The following KCNMB2 variants were observed in gnomAD, a reference collection of about 807,000 sequenced individuals.
KCNMB2 encodes the protein calcium-activated potassium channel subunit beta-2.
KCNMB2 carries 9 observed loss-of-function variants against 24.5 expected under a neutral mutation model. The observed-to-expected ratio is 0.37, with a 90% CI of 0.22 to 0.64. The LOEUF (loss-of-function observed/expected upper bound fraction) is 0.64. KCNMB2 is among the 30% of genes least tolerant of loss of function. The pLI, the probability that KCNMB2 is intolerant of heterozygous loss-of-function variation, is 0.63. For missense variants in KCNMB2, 226 were observed against 284.3 expected, an observed-to-expected ratio of 0.79 and a Z score of 1.47; for synonymous variants, 109 against 104.4, an observed-to-expected ratio of 1.04 and a Z score of -0.27.
At chr3:178,642,728 T>C (rs1477281837) in intron 1 of KCNMB2, among the ~76,000 whole-genome samples, 1 of 152,206 alleles carries the variant, frequency 6.6e-6, no homozygotes. Context: ...AAACTGAAGT[T>C]TTCAACTATA....
chr3:178,641,740 T>C (rs1173417807), intron 1 of KCNMB2, among the ~76,000 whole-genome samples: 2 of 152,156 alleles, frequency 1.3e-5, no homozygotes, highest in Admixed American at 1.3e-4. Flanking sequence ...TTTTTCCTTG[T>C]TCCCTAGAGG....
chr3:178,609,429 G>A (rs1718398196), intron 1 of KCNMB2, among the ~76,000 whole-genome samples: 2 of 144,604 alleles, frequency 1.4e-5, no homozygotes, highest in Non-Finnish European at 3.0e-5. Flanking sequence ...TCTGTCAGTT[G>A]TCTCTTCACT....
At chr3:178,762,604 T>A (rs1334207221) in intron 1 of KCNMB2, among the ~76,000 whole-genome samples, 3 of 151,752 alleles carry the variant, frequency 2.0e-5, no homozygotes, top group Non-Finnish European at 4.4e-5. Context: ...AAGAAAAAAA[T>A]AATACCAGTA....
intron 1 of KCNMB2, among the ~76,000 whole-genome samples, chr3:178,594,723 C>A (rs936410827): frequency 5.9e-5 from 9 of 151,922 alleles, no homozygotes; most frequent in Middle Eastern, 3.4e-3. Context: ...CAGAAGTTGT[C>A]AACACATAAG....
At chr3:178,760,444 TTA>T (rs1210710601) in intron 1 of KCNMB2, among the ~76,000 whole-genome samples, 4 of 141,696 alleles carry the variant, frequency 2.8e-5, no homozygotes, top group African/African-American at 1.0e-4. Context: ...GATATATATA[TTA>T]TATATATATC....
chr3:178,759,678 A>C (rs1418415028), intron 1 of KCNMB2, among the ~76,000 whole-genome samples: 8,156 of 111,494 alleles, frequency 0.073, 1,281 homozygotes, highest in Non-Finnish European at 0.11. Flanking sequence ...ATATATATAT[A>C]TCCAAGAGGA....
At chr3:178,672,385 G>T (rs1720930240) in intron 1 of KCNMB2, among the ~76,000 whole-genome samples, 1 of 152,118 alleles carries the variant, frequency 6.6e-6, no homozygotes, top group South Asian at 2.1e-4. Flanking sequence ...TACAACCTAG[G>T]TCTTTCAGAC....
rs529946142 is a variant in KCNMB2 at position 178,759,522 on chromosome 3, G to GAT, written c.-67-47813_-67-47812dup. Among the ~76,000 whole-genome samples, 87 of 105,454 alleles carry GAT rather than the reference G, an allele frequency of 8.3e-4. 6 individuals carry two copies. Among genetic ancestry groups the GAT allele is most frequent in the African/African-American group, 3.3e-3 (84 of 25,548 alleles). The allele number at this position is 105,454 out of a possible 152,430, so 69.2% of individuals were successfully genotyped here. ...GGATATATATATATCTCTCCAAGAG[G>GAT]ATATATATACATATATCTCTCTCCA... On this transcript the variant is annotated intron_variant, in intron 1 of 4. Coordinates refer to ENST00000452583, the MANE Select transcript of KCNMB2 (RefSeq NM_181361.3).
intron 1 of KCNMB2, among the ~76,000 whole-genome samples, chr3:178,674,318 C>G (rs1353844161): frequency 9.2e-5 from 14 of 152,116 alleles, no homozygotes; most frequent in Non-Finnish European, 1.2e-4. Context: ...CTCAGCATCT[C>G]CACTTAGATG....
intron 1 of KCNMB2, among the ~76,000 whole-genome samples, chr3:178,587,409 A>T (rs1000547344): frequency 1.3e-5 from 2 of 151,992 alleles, no homozygotes; most frequent in East Asian, 1.9e-4. Flanking sequence ...AACTCAGGAG[A>T]TTATCTTTTC....
At chr3:178,814,439 T>C (rs1714325063) in intron 2 of KCNMB2, among the ~76,000 whole-genome samples, 1 of 152,248 alleles carries the variant, frequency 6.6e-6, no homozygotes, top group Non-Finnish European at 1.5e-5. Flanking sequence ...TGAGTGCAGA[T>C]ATTCTTTGAT....
At chr3:178,673,418 C>G (rs1300681021) in intron 1 of KCNMB2, among the ~76,000 whole-genome samples, 1 of 152,088 alleles carries the variant, frequency 6.6e-6, no homozygotes, top group African/African-American at 2.4e-5. Flanking sequence ...CATATCTTCA[C>G]TCTCAGCTAA....
chr3:178,669,543 G>A (rs1408256343), intron 1 of KCNMB2, among the ~76,000 whole-genome samples: 3 of 152,100 alleles, frequency 2.0e-5, no homozygotes, highest in Non-Finnish European at 4.4e-5. Context: ...AGTGTTGCTT[G>A]AAGCCTCACC....
At chr3:178,779,655 A>G (rs1434521687) in intron 1 of KCNMB2, among the ~76,000 whole-genome samples, 1 of 152,174 alleles carries the variant, frequency 6.6e-6, no homozygotes, top group Non-Finnish European at 1.5e-5. Context: ...ATTTTATAAC[A>G]TGTTCCTCTG....
chr3:178,811,143 G>A (rs1468975727), intron 2 of KCNMB2, among the ~76,000 whole-genome samples: 1 of 151,960 alleles, frequency 6.6e-6, no homozygotes, highest in African/African-American at 2.4e-5. Context: ...ATTACAGACT[G>A]TTTATCAAAT....
intron 1 of KCNMB2, among the ~76,000 whole-genome samples, chr3:178,763,171 A>G (rs1711977602): frequency 6.6e-6 from 1 of 152,188 alleles, no homozygotes; most frequent in African/African-American, 2.4e-5. Flanking sequence ...GATATGAATT[A>G]ATTGTTTCAA....
intron 1 of KCNMB2, among the ~76,000 whole-genome samples, chr3:178,773,426 C>G (rs1712456781): frequency 6.6e-6 from 1 of 151,986 alleles, no homozygotes; most frequent in Non-Finnish European, 1.5e-5. Flanking sequence ...ACCTGCTTTT[C>G]CCCCTTTTTG....
At chr3:178,660,984 C>CAT (rs1370192352) in intron 1 of KCNMB2, among the ~76,000 whole-genome samples, 4 of 98,942 alleles carry the variant, frequency 4.0e-5, no homozygotes, top group South Asian at 3.1e-4. Context: ...TATACACATA[C>CAT]ATATATATAT....
At chr3:178,683,944 C>G (rs1418743268) in intron 1 of KCNMB2, among the ~76,000 whole-genome samples, 1 of 152,138 alleles carries the variant, frequency 6.6e-6, no homozygotes, top group South Asian at 2.1e-4. Context: ...GATCCAACAA[C>G]CCCTCTTCTG....
Sources: allele counts gnomAD v4.1 joint callset (sites outside exome capture counted in the v4.1 genomes callset), GRCh38; gene constraint gnomAD v4.1.1; transcripts MANE v1.5; gene names NCBI Gene and HGNC (gene_info 2026-07-23, HGNC 2026-07-21).